Variants in PKD2L2 observed in about 807,000 individuals in gnomAD.
PKD2L2 encodes the protein polycystin 2 like 2, transient receptor potential cation channel.
Under a neutral mutation model 83.9 loss-of-function variants are expected in PKD2L2, and 67 were observed. That is an observed-to-expected ratio of 0.80 (90% confidence interval 0.66 to 0.98). The LOEUF is 0.98. PKD2L2 is among the 50% of genes least tolerant of loss of function. The probability of loss-of-function intolerance (pLI) is 0.00; values close to 1 mark genes in which losing one functional copy is unlikely to be tolerated. For synonymous variants in PKD2L2, 223 were observed against 237.8 expected, an observed-to-expected ratio of 0.94 and a Z score of 0.57; for missense variants, 632 against 717.2, an observed-to-expected ratio of 0.88 and a Z score of 1.36.
intron 4 of PKD2L2, among the ~76,000 whole-genome samples, chr5:137,896,098 A>G (rs1756444578): frequency 6.6e-6 from 1 of 151,620 alleles, no homozygotes; most frequent in Admixed American, 6.6e-5. Flanking sequence ...AATCGCTTGA[A>G]CCCAGGAGGC....
chr5:137,923,901 T>C (rs1238561542), intron 10 of PKD2L2, among the ~76,000 whole-genome samples: 2 of 152,214 alleles, frequency 1.3e-5, no homozygotes, highest in African/African-American at 2.4e-5. Flanking sequence ...CAGAACTCCA[T>C]GTGTCGTCTT....
intron 4 of PKD2L2, among the ~76,000 whole-genome samples, chr5:137,895,565 G>C (rs1348445158): frequency 6.6e-6 from 1 of 151,500 alleles, no homozygotes; most frequent in African/African-American, 2.4e-5. Flanking sequence ...GCTGGTATCA[G>C]TGCAGTGCAC....
chr5:137,906,406 G>C lies in PKD2L2; in HGVS notation c.947G>C (p.Trp316Ser). 3 of 1,606,098 alleles carry C rather than the reference G, an allele frequency of 1.9e-6. 1 individual carries two copies. The highest frequency in any genetic ancestry group is 1.7e-6 in the Non-Finnish European group (2 of 1,173,914). Residue 316 changes from tryptophan to serine, a missense_variant, in exon 6 of 15, where the codon TGG (tryptophan) becomes TCG (serine). By Grantham distance (177) the Trp-to-Ser change is radical. Coordinates refer to ENST00000508883, the MANE Select transcript of PKD2L2 (RefSeq NM_001300921.2). ...AAGTCTGCCTATTTCAAAAGTATTTGGAACTGGCTAGAATTGCTACTTTTG... is the reference window on the plus strand; with the variant it reads ...AAGTCTGCCTATTTCAAAAGTATTTCGAACTGGCTAGAATTGCTACTTTTG... ...EFKSAYFKSI[W>S]NWLELLLLLL...
In PKD2L2 at chr5:137,917,365, T is replaced by C. The variant is rs565729575; in HGVS notation, c.1329-4271T>C. 3.0e-4 allele frequency among the ~76,000 whole-genome samples: 46 copies of C among 152,236 alleles called. 1 individual carries two copies. In the South Asian group the frequency reaches 9.3e-3, roughly 31 times the overall value. On this transcript the variant is annotated intron_variant, in intron 8 of 14. Coordinates refer to ENST00000508883, the MANE Select transcript of PKD2L2 (RefSeq NM_001300921.2). ...TTTTAGTAGAGTCTGGGTTTCACCA[T>C]GTTGGCCAGGCTGGTCTGGAACTCC...
chr5:137,923,065 G>A (rs1759067146), intron 9 of PKD2L2, among the ~76,000 whole-genome samples: 1 of 149,730 alleles, frequency 6.7e-6, no homozygotes, highest in Non-Finnish European at 1.5e-5. Flanking sequence ...GGGCTGGAGT[G>A]CAGTGGTGCG....
intron 8 of PKD2L2, among the ~76,000 whole-genome samples, chr5:137,918,638 G>A (rs753487873): frequency 1.3e-5 from 2 of 152,190 alleles, no homozygotes; most frequent in Non-Finnish European, 2.9e-5. Context: ...AGTAGGGGAT[G>A]CATAGCTATT....
At chr5:137,892,406 A>C in intron 2 of PKD2L2, 74 bp from the exon 3 acceptor site, 1 of 794,994 alleles carries the variant, frequency 1.3e-6, no homozygotes, top group Non-Finnish European at 1.8e-6. Flanking sequence ...ATTGAGAAAA[A>C]AATGTAACAT....
At chr5:137,901,602 A>G (rs182988881) in intron 5 of PKD2L2, among the ~76,000 whole-genome samples, 1 of 152,360 alleles carries the variant, frequency 6.6e-6, no homozygotes, top group Non-Finnish European at 1.5e-5. Context: ...ACCAGCTTCC[A>G]GTCTTTTGGT....
chr5:137,892,671 A>C, intron 3 of PKD2L2, 58 bp downstream of exon 3: 1 of 1,328,536 alleles, frequency 7.5e-7, no homozygotes, highest in South Asian at 1.3e-5. Flanking sequence ...AACCCTTGGC[A>C]TACACAGTGG....
intron 13 of PKD2L2, among the ~76,000 whole-genome samples, 175 bp from the exon 14 acceptor site, chr5:137,936,145 T>C (rs540647716): frequency 6.6e-6 from 1 of 152,212 alleles, no homozygotes; most frequent in African/African-American, 2.4e-5. Flanking sequence ...TTGATTTGCA[T>C]AACAGATCCT....
intron 12 of PKD2L2, among the ~76,000 whole-genome samples, chr5:137,926,346 A>C (rs1353765332): frequency 7.6e-6 from 1 of 131,616 alleles, no homozygotes; most frequent in Non-Finnish European, 1.6e-5. Flanking sequence ...CCTTAAATAT[A>C]CTATTACCAC....
At chr5:137,941,089 C>T (rs1761632314) in intron 14 of PKD2L2, among the ~76,000 whole-genome samples, 3 of 151,838 alleles carry the variant, frequency 2.0e-5, no homozygotes, top group African/African-American at 7.3e-5. Context: ...TTGTATTTTT[C>T]GGTAGAGACA....
intron 4 of PKD2L2, among the ~76,000 whole-genome samples, chr5:137,897,989 C>G (rs540672867): frequency 6.8e-6 from 1 of 146,982 alleles, no homozygotes; most frequent in Non-Finnish European, 1.5e-5. Flanking sequence ...TTTTTTGAGA[C>G]AGAGTCTCAC....
chr5:137,936,272 T>C, intron 13 of PKD2L2, 48 bp from the exon 14 acceptor site: 2 of 1,481,534 alleles, frequency 1.3e-6, no homozygotes, highest in Non-Finnish European at 1.8e-6. Flanking sequence ...TGTCTATACA[T>C]GAAAGTTTAT....
At chr5:137,939,735 G>A (rs1226979837) in intron 14 of PKD2L2, 1 of 497,406 alleles carries the variant, frequency 2.0e-6, no homozygotes, top group African/African-American at 2.1e-5. Flanking sequence ...TGGTTTTCTA[G>A]GAAAACAGAG....
chr5:137,899,047 A>G (rs1756730741), intron 4 of PKD2L2, among the ~76,000 whole-genome samples: 2 of 152,242 alleles, frequency 1.3e-5, no homozygotes, highest in Non-Finnish European at 2.9e-5. Context: ...CTTTAAAATT[A>G]CTAGAATACT....
intron 8 of PKD2L2, among the ~76,000 whole-genome samples, chr5:137,911,537 T>G (rs1367190401): frequency 1.3e-5 from 2 of 152,100 alleles, no homozygotes; most frequent in Non-Finnish European, 2.9e-5. Flanking sequence ...CCAGACTTAT[T>G]AAGGTATAAT....
chr5:137,935,477 A>C (rs1353392693), intron 12 of PKD2L2, among the ~76,000 whole-genome samples: 4 of 152,272 alleles, frequency 2.6e-5, no homozygotes, highest in Admixed American at 2.0e-4. Flanking sequence ...CAGAAAGAAC[A>C]TCTTAGCTTT....
In PKD2L2 at chr5:137,906,439, G is replaced by T; in HGVS notation, c.975+5G>T. On this transcript the variant is annotated splice_donor_5th_base_variant and intron_variant, in intron 6 of 14. Coordinates refer to ENST00000508883, the MANE Select transcript of PKD2L2 (RefSeq NM_001300921.2). ...CTAGAATTGCTACTTTTGCTGGTGA[G>T]TATATATTCATGTGTATGGTTGAAG... The T allele has an allele frequency of 6.8e-7, 1 of 1,478,160 alleles. No individual in the cohort carries two copies. The allele number at this position is 1,478,160 out of a possible 1,614,324, so 91.6% of individuals were successfully genotyped here. A position where few individuals can be genotyped will look rare whatever the true frequency, so the allele number is the denominator to read the frequency against.
Sources: gnomAD v4.1 joint callset for allele counts (sites outside exome capture counted in the v4.1 genomes callset) on GRCh38, gnomAD v4.1.1 for gene constraint, MANE v1.5 for transcripts, NCBI Gene and HGNC (gene_info 2026-07-23, HGNC 2026-07-21) for gene names.